CCDC181: variants seen among roughly 807,000 people sequenced by gnomAD.
The protein encoded by CCDC181 is coiled-coil domain containing 181.
In CCDC181, 35 loss-of-function variants were observed where a neutral mutation model predicts 58.7. The observed-to-expected ratio is 0.60, with a 90% confidence interval of 0.46 to 0.79. The LOEUF (loss-of-function observed/expected upper bound fraction) is 0.79, where lower values mean the gene tolerates loss of function less well. Ranked by LOEUF, CCDC181 falls within the 30% of genes least tolerant of loss-of-function variation. The pLI is 0.00. For missense variants in CCDC181, 517 were observed against 583.9 expected (o/e 0.89, Z 1.18); for synonymous variants, 183 against 197.5 (o/e 0.93, Z 0.62).
intron 2 of CCDC181, among the ~76,000 whole-genome samples, chr1:169,450,849 G>T (rs553211598): frequency 6.6e-6 from 1 of 152,240 alleles, no homozygotes; most frequent in South Asian, 2.1e-4. Flanking sequence ...AATGTATACT[G>T]CTATCTCATT....
At chr1:169,429,666 G>A (rs1437427499), upstream of CCDC181, among the ~76,000 whole-genome samples, 1 of 151,876 alleles carries the variant, frequency 6.6e-6, no homozygotes, top group Non-Finnish European at 1.5e-5. Flanking sequence ...TTTTTTCCTT[G>A]CTGATTTGTT....
At chr1:169,403,196 C>T (rs2102049706) in intron 4 of CCDC181, among the ~76,000 whole-genome samples, 1 of 152,292 alleles carries the variant, frequency 6.6e-6, no homozygotes, top group South Asian at 2.1e-4. Context: ...AACTTAGACT[C>T]CCACACATTA....
chr1:169,447,104 T>C (rs1245137785), intron 2 of CCDC181, among the ~76,000 whole-genome samples: 3 of 152,064 alleles, frequency 2.0e-5, no homozygotes, highest in Non-Finnish European at 2.9e-5. Flanking sequence ...TCTATACTCT[T>C]AAAAGTTGTT....
rs1654944438 is a variant in CCDC181 at position 169,395,174 on chromosome 1, G to A, written c.1403C>T (p.Ala468Val). 1.2e-6 allele frequency: 2 copies of A among 1,611,834 alleles called. No individual in the cohort carries two copies. The highest frequency in any genetic ancestry group is 2.7e-5 in the African/African-American group (2 of 74,844). ...WLRRKRMEKM[A>V]EQQAVRERTR... ...TCTCTCTCTGACAGCTTGTTGCTCT[G>A]CCATTTTTTCCATCCGTTTCCTTCT... Residue 468 changes from alanine (A) to valine (V), a missense_variant, in exon 6 of 6, where the codon GCA becomes GTA. Transcript: ENST00000367806.
intron 4 of CCDC181, among the ~76,000 whole-genome samples, chr1:169,402,393 G>A (rs1413432664): frequency 6.6e-6 from 1 of 152,126 alleles, no homozygotes; most frequent in Non-Finnish European, 1.5e-5. Flanking sequence ...AAAATGTTAA[G>A]GGCAGCCAGA....
At chr1:169,418,481 A>T (rs1656310884) in intron 4 of CCDC181, among the ~76,000 whole-genome samples, 1 of 151,820 alleles carries the variant, frequency 6.6e-6, no homozygotes, top group Non-Finnish European at 1.5e-5. Flanking sequence ...GCTTAGGGTT[A>T]AATTTTCTTT....
intron 2 of CCDC181, among the ~76,000 whole-genome samples, chr1:169,456,984 CTG>C (rs1657692468): frequency 6.6e-6 from 1 of 152,066 alleles, no homozygotes; most frequent in Non-Finnish European, 1.5e-5. Flanking sequence ...AAATCTGTGA[CTG>C]TTTTTATTCT....
At chr1:169,418,726 ATCT>A in intron 4 of CCDC181, 1 of 429,532 alleles carries the variant, frequency 2.3e-6, no homozygotes, top group Non-Finnish European at 4.1e-6. Flanking sequence ...GTGTGTGTGT[ATCT>A]TTGCCCTGTT....
intron 2 of CCDC181, among the ~76,000 whole-genome samples, chr1:169,453,032 AATAC>A (rs753689984): frequency 6.6e-6 from 1 of 152,018 alleles, no homozygotes; most frequent in Non-Finnish European, 1.5e-5. Context: ...TTTTTGAAGA[AATAC>A]ATAATCAATG....
upstream of CCDC181, among the ~76,000 whole-genome samples, chr1:169,430,947 C>T (rs377496728): frequency 1.3e-5 from 2 of 152,188 alleles, no homozygotes; most frequent in South Asian, 4.1e-4. Context: ...TACAAAGTTA[C>T]ACTCCTATGC....
At chr1:169,419,184 T>C in intron 3 of CCDC181, 25 bp from the exon 4 acceptor site, 1 of 1,530,118 alleles carries the variant, frequency 6.5e-7, no homozygotes, top group Non-Finnish European at 8.8e-7. Flanking sequence ...TGAAAAGACA[T>C]TAATGGAAGA....
At position 169,395,226 on chromosome 1, in the gene CCDC181, C is replaced by T; in HGVS notation, c.1371-20G>A. 2 of 1,603,582 alleles carry T rather than the reference C, an allele frequency of 1.2e-6. No individual in the cohort carries two copies. The highest frequency in any genetic ancestry group is 1.7e-6 in the Non-Finnish European group (2 of 1,175,604). On this transcript the variant is annotated intron_variant, in intron 5 of 5. Transcript: ENST00000367806. ...AACCATCTGTAGAAACAGGCATGAT[C>T]AGATTTGGTGAGTATCAACCTGAAT...
intron 2 of CCDC181, among the ~76,000 whole-genome samples, chr1:169,459,415 G>A (rs1657773875): frequency 6.6e-6 from 1 of 152,026 alleles, no homozygotes; most frequent in South Asian, 2.1e-4. Context: ...CCTTAGCCCC[G>A]GTCCAGAATC....
At chr1:169,436,309 C>T (rs1657052897) in intron 2 of CCDC181, among the ~76,000 whole-genome samples, 2 of 152,172 alleles carry the variant, frequency 1.3e-5, no homozygotes, top group African/African-American at 2.4e-5. Context: ...TGGAAACTTT[C>T]GTTCACAGAT....
intron 2 of CCDC181, among the ~76,000 whole-genome samples, chr1:169,453,928 G>A (rs1362223382): frequency 6.6e-6 from 1 of 151,742 alleles, no homozygotes; most frequent in East Asian, 1.9e-4. Context: ...ACTTGTGGTG[G>A]GCTTCTTTTC....
At chr1:169,429,029 C>G (rs1656827539), upstream of CCDC181, among the ~76,000 whole-genome samples, 1 of 152,212 alleles carries the variant, frequency 6.6e-6, no homozygotes, top group South Asian at 2.1e-4. Context: ...CTCCCACTTA[C>G]AAGTGAGAAC....
At chr1:169,430,783 A>G (rs1656898934), upstream of CCDC181, among the ~76,000 whole-genome samples, 1 of 152,214 alleles carries the variant, frequency 6.6e-6, no homozygotes, top group Admixed American at 6.5e-5. Flanking sequence ...CAGTGGCTCA[A>G]GGGCTCCAGA....
intron 2 of CCDC181, among the ~76,000 whole-genome samples, chr1:169,451,837 A>G (rs1657550638): frequency 6.7e-6 from 1 of 149,540 alleles, no homozygotes; most frequent in African/African-American, 2.4e-5. Flanking sequence ...AAGATAACTT[A>G]TGGCTTTTAG....
chr1:169,418,673 G>C (rs12094791), intron 4 of CCDC181: 2 of 246,518 alleles, frequency 8.1e-6, no homozygotes, highest in Non-Finnish European at 1.5e-5. Context: ...ATTTCTATAC[G>C]TCTAGTCTTA....
Sources: gnomAD v4.1 joint callset for allele counts (sites outside exome capture counted in the v4.1 genomes callset) on GRCh38, gnomAD v4.1.1 for gene constraint, MANE v1.5 for transcripts, NCBI Gene and HGNC (gene_info 2026-07-23, HGNC 2026-07-21) for gene names.